The following RNF17 variants were observed in gnomAD, a reference collection of about 807,000 sequenced individuals.
RNF17 encodes spermatogenesis associated 23.
A neutral mutation model predicts 200.5 loss-of-function variants in RNF17; 31 were observed. The observed-to-expected ratio is 0.15, with a 90% CI of 0.12 to 0.21. RNF17 has a LOEUF of 0.21. Among genes scored for constraint, RNF17 ranks in the 10% least tolerant of loss-of-function variants. RNF17 has a pLI of 1.00. For missense variants in RNF17, 1,628 were observed against 1,905.1 expected, an observed-to-expected ratio of 0.85 and a Z score of 2.71; for synonymous variants, 606 against 637.8, an observed-to-expected ratio of 0.95 and a Z score of 0.75.
At chr13:24,884,282 A>C, downstream of RNF17, 3 of 1,614,122 alleles carry the variant, frequency 1.9e-6, no homozygotes, top group African/African-American at 1.3e-5. Flanking sequence ...TTTTCTCCAG[A>C]GATGGTTAAA....
Position 24,864,814 on chromosome 13 carries a change from A to G in RNF17, c.3976-59A>G, listed in dbSNP as rs916357193. 6 of 1,253,988 alleles carry G rather than the reference A, an allele frequency of 4.8e-6. No individual in the cohort carries two copies. In the Admixed American group the frequency reaches 6.1e-5, roughly 13 times the overall value. 77.7% of individuals were successfully genotyped at this position (1,253,988 alleles called of 1,614,324 possible). ...AAGCTAAATTTGATATTTGCTGACT[A>G]TAAAAATGTCATCAAGTGGAGTTTA... On this transcript the variant is annotated intron_variant, in intron 28 of 35. Coordinates refer to ENST00000255324, the MANE Select transcript of RNF17 (RefSeq NM_031277.3).
intron 31 of RNF17, among the ~76,000 whole-genome samples, chr13:24,869,263 G>C (rs1893993244): frequency 6.6e-6 from 1 of 152,186 alleles, no homozygotes; most frequent in African/African-American, 2.4e-5. Context: ...GAAATAAGTA[G>C]CTTCAGCAGC....
At chr13:24,888,348 T>C in the RNF17 span, among the ~76,000 whole-genome samples, 2 of 151,994 alleles carry the variant, frequency 1.3e-5, no homozygotes, top group Admixed American at 6.6e-5. Flanking sequence ...ATGCGGAATA[T>C]TTTATAAGGA....
intron 24 of RNF17, among the ~76,000 whole-genome samples, chr13:24,852,152 T>G (rs994075176): frequency 6.6e-6 from 1 of 150,614 alleles, no homozygotes; most frequent in East Asian, 1.9e-4. Context: ...TTTTTTTTTT[T>G]TTCTGAGACG....
chr13:24,751,567 A>G, the RNF17 span: 1 of 152,148 alleles, frequency 6.6e-6, no homozygotes, highest in Admixed American at 6.5e-5. Flanking sequence ...ATGAAGGTTC[A>G]AGTAAAGACT....
At chr13:24,870,472 A>G (rs1025822933) in intron 31 of RNF17, 99 bp from the exon 32 acceptor site, 9 of 951,248 alleles carry the variant, frequency 9.5e-6, no homozygotes, top group Non-Finnish European at 1.5e-5. Flanking sequence ...GGTCTCTGGG[A>G]GCATCGCTGG....
chr13:24,802,018 G>T (rs543079277), intron 13 of RNF17, among the ~76,000 whole-genome samples: 3 of 151,706 alleles, frequency 2.0e-5, no homozygotes, highest in African/African-American at 7.3e-5. Flanking sequence ...ATGGAGTCTT[G>T]TTCTGTCGCC....
downstream of RNF17, chr13:24,883,511 T>C: frequency 1.6e-6 from 1 of 638,836 alleles, no homozygotes; most frequent in Non-Finnish European, 2.7e-6. Flanking sequence ...AATTGTAACT[T>C]TCTACAGTGT....
At position 24,802,519 on chromosome 13, in the gene RNF17, A is replaced by G. The variant is rs200344943; in HGVS notation, c.1897A>G (p.Ser633Gly). Residue 633 changes from serine (S) to glycine (G), a missense_variant, in exon 14 of 36, where the codon AGT becomes GGT. Physicochemically the swap from Ser to Gly is moderately conservative, Grantham distance 56. Around this residue, in one of 5 missense-constraint regions of RNF17, gnomAD observed 289 missense variants for 384.9 expected, o/e 0.75. Coordinates refer to ENST00000255324, the MANE Select transcript of RNF17 (RefSeq NM_031277.3). ...AAAACCACCACCGAATAAAATAAGCAGTGATATGCCTGTGTCTCTTAGAGA... is the reference window on the plus strand; with the variant it reads ...AAAACCACCACCGAATAAAATAAGCGGTGATATGCCTGTGTCTCTTAGAGA... ...LQKPPPNKISSDMPVSLRDAL... is the reference protein window; with the variant it reads ...LQKPPPNKISGDMPVSLRDAL... The G allele has an allele frequency of 2.0e-4, 329 of 1,614,118 alleles. 3 individuals are homozygous for G. The East Asian group carries it at 6.7e-3, about 33-fold the overall frequency.
the RNF17 span, among the ~76,000 whole-genome samples, chr13:24,748,388 A>C: frequency 2.0e-5 from 3 of 152,238 alleles, no homozygotes; most frequent in Non-Finnish European, 2.9e-5. Flanking sequence ...TTTGAATAGA[A>C]AATCTACAAA....
At chr13:24,783,190 A>C (rs1882663585) in intron 6 of RNF17, among the ~76,000 whole-genome samples, 1 of 152,166 alleles carries the variant, frequency 6.6e-6, no homozygotes, top group Non-Finnish European at 1.5e-5. Context: ...CCTTGTCAAA[A>C]ATGAGCTCAC....
At chr13:24,805,304 G>A (rs960157764) in intron 15 of RNF17, among the ~76,000 whole-genome samples, 4 of 152,132 alleles carry the variant, frequency 2.6e-5, no homozygotes, top group Non-Finnish European at 5.9e-5. Context: ...CATTTCCAGA[G>A]CTTTTTATTT....
At chr13:24,802,597 A>G (rs376179991) in intron 14 of RNF17, 26 bp downstream of exon 14, 35 of 1,550,726 alleles carry the variant, frequency 2.3e-5, no homozygotes, top group Middle Eastern at 4.0e-4. Flanking sequence ...AAACTTAAAT[A>G]TTCTTTGAGA....
chr13:24,841,227 A>T (rs1200190285), intron 18 of RNF17, among the ~76,000 whole-genome samples: 4 of 152,220 alleles, frequency 2.6e-5, no homozygotes, highest in African/African-American at 9.6e-5. Context: ...TAAAAGTTAG[A>T]TGGTTTGTCC....
chr13:24,824,226 C>G, intron 15 of RNF17: 1 of 713,556 alleles, frequency 1.4e-6, no homozygotes. Flanking sequence ...GGTTGAGACA[C>G]TTTCTCATTT....
intron 16 of RNF17, among the ~76,000 whole-genome samples, chr13:24,826,969 A>C (rs1888719210): frequency 6.6e-6 from 1 of 152,088 alleles, no homozygotes; most frequent in Non-Finnish European, 1.5e-5. Flanking sequence ...CTGAGGCAGG[A>C]GAATCACTTG....
rs540592077 is a variant in RNF17, at chr13:24,862,610, A to C, written c.3895-103A>C. ...AACTGCTTGTGTATTTTGTACTACT[A>C]TCTGATATTATTTGTTTATGGCTAC... is the stretch of plus-strand genomic sequence containing the variant. On this transcript the variant is annotated intron_variant, in intron 27 of 35. Coordinates refer to ENST00000255324, the MANE Select transcript of RNF17 (RefSeq NM_031277.3). The C allele has an allele frequency of 7.1e-6, 5 of 702,212 alleles. No homozygotes were observed. In the South Asian group the frequency reaches 8.0e-5, roughly 11 times the overall value. 43.5% of individuals were successfully genotyped at this position (702,212 alleles called of 1,614,324 possible).
At chr13:24,815,881 G>T (rs916822712) in intron 15 of RNF17, among the ~76,000 whole-genome samples, 4 of 151,974 alleles carry the variant, frequency 2.6e-5, no homozygotes, top group African/African-American at 9.7e-5. Context: ...ATTGATTTTG[G>T]ATTTTGTTTT....
At chr13:24,803,696 G>C (rs918518485) in intron 14 of RNF17, 11 of 152,276 alleles carry the variant, frequency 7.2e-5, no homozygotes, top group African/African-American at 2.7e-4. Flanking sequence ...AAAAATACAA[G>C]TAGTCTTGGA....
Sources: allele counts gnomAD v4.1 joint callset (sites outside exome capture counted in the v4.1 genomes callset), GRCh38; gene constraint gnomAD v4.1.1; regional missense constraint gnomAD v4.1.1; transcripts MANE v1.5; gene names NCBI Gene and HGNC (gene_info 2026-07-23, HGNC 2026-07-21).